Variants in SOX5 observed in about 807,000 individuals in gnomAD.
SOX5 encodes the protein transcription factor SOX-5.
SOX5 carries 9 observed loss-of-function variants against 92.0 expected under a neutral mutation model. The observed-to-expected ratio is 0.10, with a 90% confidence interval of 0.06 to 0.17. SOX5 has a LOEUF of 0.17. Among genes scored for constraint, SOX5 ranks in the 10% least tolerant of loss-of-function variants. SOX5 has a pLI of 1.00. For synonymous variants in SOX5, 344 were observed against 336.3 expected, an observed-to-expected ratio of 1.02 and a Z score of -0.25; for missense variants, 642 against 944.5, an observed-to-expected ratio of 0.68 and a Z score of 4.20.
intron 2 of SOX5, among the ~76,000 whole-genome samples, chr12:24,287,715 T>A (rs1361897323): frequency 6.6e-6 from 1 of 150,948 alleles, no homozygotes; most frequent in East Asian, 2.0e-4. Flanking sequence ...AAATTATAGA[T>A]CTCTTTGGGC....
At chr12:24,419,170 G>A (rs1404430785) in intron 1 of SOX5, among the ~76,000 whole-genome samples, 1 of 151,960 alleles carries the variant, frequency 6.6e-6, no homozygotes, top group Non-Finnish European at 1.5e-5. Flanking sequence ...CACCAAGGCA[G>A]TACAGTGAAG....
At position 24,531,106 on chromosome 12, in the gene SOX5, C is replaced by T. The variant is rs17285065; in HGVS notation, c.-251+31223G>A. ...ATTTGCAAGCAACTGTGCTAGTCTA[C>T]AAGTGACCAGACTGGTCTTGAAGAG... On this transcript the variant is annotated intron_variant, in intron 1 of 4. Transcript: ENST00000446891. 6.7e-3 allele frequency among the ~76,000 whole-genome samples: 1,022 copies of T among 152,198 alleles called. 7 individuals are homozygous for T. Among genetic ancestry groups the T allele is most frequent in the Non-Finnish European group, 0.011 (768 of 68,016 alleles).
chr12:24,010,628 C>T (rs1236685834), intron 4 of SOX5, among the ~76,000 whole-genome samples: 1 of 152,106 alleles, frequency 6.6e-6, no homozygotes, highest in Admixed American at 6.6e-5. Context: ...GAGAATCTTT[C>T]TTTAAAAATT....
At chr12:24,519,012 A>C (rs1315197033) in intron 1 of SOX5, among the ~76,000 whole-genome samples, 2 of 152,178 alleles carry the variant, frequency 1.3e-5, no homozygotes, top group African/African-American at 4.8e-5. Context: ...AGAAAATATA[A>C]AAACGTTTAT....
chr12:23,775,648 T>A (rs1274341157), intron 3 of SOX5, among the ~76,000 whole-genome samples: 1 of 152,208 alleles, frequency 6.6e-6, no homozygotes, highest in Non-Finnish European at 1.5e-5. Flanking sequence ...GGCCTTCATT[T>A]ATTTCTCCAC....
intron 1 of SOX5, among the ~76,000 whole-genome samples, chr12:24,480,863 T>C (rs540511932): frequency 2.6e-5 from 4 of 151,974 alleles, no homozygotes; most frequent in South Asian, 4.2e-4. Flanking sequence ...CTCAAAAAAC[T>C]AAAAATAGAG....
chr12:24,456,283 G>A (rs1566209738), intron 1 of SOX5, among the ~76,000 whole-genome samples: 1 of 152,140 alleles, frequency 6.6e-6, no homozygotes, highest in Non-Finnish European at 1.5e-5. Context: ...TTACAGGTGG[G>A]TGTTCCTTTA....
chr12:24,396,040 C>G (rs559458495), intron 1 of SOX5, among the ~76,000 whole-genome samples: 1 of 152,308 alleles, frequency 6.6e-6, no homozygotes. Context: ...AGCTAGGGAT[C>G]CATCCTCTCG....
intron 1 of SOX5, among the ~76,000 whole-genome samples, chr12:24,455,979 G>A (rs1942975699): frequency 6.6e-6 from 1 of 152,170 alleles, no homozygotes. Flanking sequence ...GCTCTGAGTT[G>A]TGGCTGCATC....
At chr12:23,947,092 A>C (rs1161349694) in intron 1 of SOX5, among the ~76,000 whole-genome samples, 1 of 151,982 alleles carries the variant, frequency 6.6e-6, no homozygotes, top group Admixed American at 6.6e-5. Flanking sequence ...CAGGCTGGGA[A>C]GAATAAAAGA....
At chr12:24,507,820 T>G (rs534019781) in intron 1 of SOX5, among the ~76,000 whole-genome samples, 1 of 151,926 alleles carries the variant, frequency 6.6e-6, no homozygotes, top group Non-Finnish European at 1.5e-5. Context: ...AATGAAACAG[T>G]ATGTCAAAAT....
chr12:23,622,822 C>A (rs151212130), intron 8 of SOX5, among the ~76,000 whole-genome samples: 15 of 152,098 alleles, frequency 9.9e-5, no homozygotes, highest in Admixed American at 2.6e-4. Context: ...ATTGTTAATG[C>A]CACAGAATAA....
At chr12:23,665,784 T>C (rs892247667) in intron 6 of SOX5, among the ~76,000 whole-genome samples, 1 of 152,178 alleles carries the variant, frequency 6.6e-6, no homozygotes, top group African/African-American at 2.4e-5. Context: ...GTCGACTCTC[T>C]AACACGACGA....
At chr12:23,547,984 G>T (rs950875927) in intron 11 of SOX5, among the ~76,000 whole-genome samples, 17 of 152,028 alleles carry the variant, frequency 1.1e-4, no homozygotes, top group Non-Finnish European at 2.1e-4. Flanking sequence ...AGTAAATGTA[G>T]CTGTTAAAAC....
At chr12:23,711,227 C>G (rs911315226) in intron 6 of SOX5, among the ~76,000 whole-genome samples, 1 of 152,108 alleles carries the variant, frequency 6.6e-6, no homozygotes, top group Non-Finnish European at 1.5e-5. Flanking sequence ...CTTGATGAAG[C>G]CTTATTATCT....
At chr12:24,524,311 T>G (rs1015168804) in intron 1 of SOX5, among the ~76,000 whole-genome samples, 6 of 152,112 alleles carry the variant, frequency 3.9e-5, no homozygotes, top group African/African-American at 1.4e-4. Context: ...TCCATACCCA[T>G]GAGCCAATTT....
At chr12:24,479,058 A>T (rs537101947) in intron 1 of SOX5, among the ~76,000 whole-genome samples, 2 of 152,178 alleles carry the variant, frequency 1.3e-5, no homozygotes, top group African/African-American at 4.8e-5. Context: ...AACCTAGCCA[A>T]TCTGAACTTC....
At chr12:23,708,277 G>A (rs558646235) in intron 6 of SOX5, among the ~76,000 whole-genome samples, 1 of 150,154 alleles carries the variant, frequency 6.7e-6, no homozygotes, top group Non-Finnish European at 1.5e-5. Flanking sequence ...GACATGGAGA[G>A]AGGTAGTAGA....
intron 13 of SOX5, 41 bp from the exon 14 acceptor site, chr12:23,536,710 C>G (rs1360703846): frequency 6.9e-7 from 1 of 1,459,096 alleles, no homozygotes; most frequent in Admixed American, 1.7e-5. Context: ...TGCACAGCTT[C>G]TAAGCATTCC....
Sources: gnomAD v4.1 joint callset for allele counts (sites outside exome capture counted in the v4.1 genomes callset) on GRCh38, gnomAD v4.1.1 for gene constraint, MANE v1.5 for transcripts, NCBI Gene and HGNC (gene_info 2026-07-23, HGNC 2026-07-21) for gene names.